The following MAP2K6 variants were observed in gnomAD, a reference collection of about 807,000 sequenced individuals.
The protein encoded by MAP2K6 is mitogen-activated protein kinase kinase 6.
A neutral mutation model predicts 53.7 loss-of-function variants in MAP2K6; 16 were observed. The ratio of observed to expected loss-of-function variants is 0.30; its 90% CI spans 0.20 to 0.45. The LOEUF (loss-of-function observed/expected upper bound fraction) is 0.45, where lower values mean the gene tolerates loss of function less well. Ranked by LOEUF, MAP2K6 falls within the 20% of genes least tolerant of loss-of-function variation. The pLI is 1.00. For synonymous variants in MAP2K6, 132 were observed against 143.1 expected (o/e 0.92, Z 0.55); for missense variants, 204 against 411.9 (o/e 0.50, Z 4.37).
chr17:69,462,200 G>A (rs867497709), intron 1 of MAP2K6, among the ~76,000 whole-genome samples: 1 of 152,118 alleles, frequency 6.6e-6, no homozygotes, highest in Non-Finnish European at 1.5e-5. Flanking sequence ...TGGCCATAGA[G>A]GACACGAGAA....
intron 1 of MAP2K6, among the ~76,000 whole-genome samples, chr17:69,483,956 A>G (rs1332848658): frequency 6.6e-6 from 1 of 152,102 alleles, no homozygotes; most frequent in Non-Finnish European, 1.5e-5. Context: ...TTAACCAAAT[A>G]CTTAAATATA....
chr17:69,482,370 A>T (rs970137949), intron 1 of MAP2K6, among the ~76,000 whole-genome samples: 33 of 152,258 alleles, frequency 2.2e-4, no homozygotes, highest in African/African-American at 7.0e-4. Flanking sequence ...GCAAAAGTTT[A>T]TAAAGGTTTA....
intron 1 of MAP2K6, among the ~76,000 whole-genome samples, chr17:69,487,854 A>G (rs919109162): frequency 6.6e-6 from 1 of 152,364 alleles, no homozygotes; most frequent in Admixed American, 6.5e-5. Flanking sequence ...ATATTTACTT[A>G]AAATCAATCC....
At chr17:69,512,692 A>T (rs1361779205) in intron 2 of MAP2K6, among the ~76,000 whole-genome samples, 1 of 152,182 alleles carries the variant, frequency 6.6e-6, no homozygotes, top group African/African-American at 2.4e-5. Flanking sequence ...AAGAGGTATT[A>T]ATGAGGTATT....
At chr17:69,489,771 GA>G (rs1908673515) in intron 1 of MAP2K6, among the ~76,000 whole-genome samples, 1 of 152,164 alleles carries the variant, frequency 6.6e-6, no homozygotes, top group East Asian at 1.9e-4. Context: ...TGATTTTCTT[GA>G]AGCAATTTCT....
At chr17:69,416,221 C>A (rs1963458) in intron 1 of MAP2K6, among the ~76,000 whole-genome samples, 3 of 151,854 alleles carry the variant, frequency 2.0e-5, no homozygotes, top group Admixed American at 6.6e-5. Flanking sequence ...GTTGTTGCAC[C>A]GCTTTTTAAT....
At chr17:69,486,437 A>G (rs1908540039) in intron 1 of MAP2K6, among the ~76,000 whole-genome samples, 1 of 152,232 alleles carries the variant, frequency 6.6e-6, no homozygotes, top group Non-Finnish European at 1.5e-5. Context: ...GGTTTCTGGC[A>G]TGAAGCCAGA....
At chr17:69,472,767 C>T (rs1379544220) in intron 1 of MAP2K6, among the ~76,000 whole-genome samples, 8 of 152,246 alleles carry the variant, frequency 5.3e-5, no homozygotes, top group Middle Eastern at 3.4e-3. Context: ...GGTATGGCCT[C>T]GGCTCCCTGC....
intron 1 of MAP2K6, among the ~76,000 whole-genome samples, chr17:69,484,712 G>A (rs74501647): frequency 0.02 from 3,087 of 152,112 alleles, 168 homozygotes; most frequent in East Asian, 0.12. Context: ...GGTGGCACAG[G>A]TATTCTATAC....
chr17:69,496,906 T>G (rs879806482), intron 1 of MAP2K6, among the ~76,000 whole-genome samples: 16 of 152,130 alleles, frequency 1.1e-4, no homozygotes, highest in Non-Finnish European at 2.4e-4. Flanking sequence ...CTCTTTCACT[T>G]AACTTCATTT....
chr17:69,475,278 C>T (rs1908111440), intron 1 of MAP2K6, among the ~76,000 whole-genome samples: 1 of 150,686 alleles, frequency 6.6e-6, no homozygotes, highest in African/African-American at 2.5e-5. Flanking sequence ...ACGCCATTCT[C>T]CTGCCTCAGC....
chr17:69,459,978 TTCCC>T (rs1053272719), intron 1 of MAP2K6, among the ~76,000 whole-genome samples: 8 of 150,346 alleles, frequency 5.3e-5, no homozygotes, highest in South Asian at 2.2e-4. Flanking sequence ...GCCTTCCACC[TTCCC>T]TCCCTCCCTC....
At chr17:69,446,392 A>T (rs1382708770) in intron 1 of MAP2K6, among the ~76,000 whole-genome samples, 1 of 152,238 alleles carries the variant, frequency 6.6e-6, no homozygotes, top group Non-Finnish European at 1.5e-5. Flanking sequence ...AAGAGATTGA[A>T]TTGCTGGATT....
At chr17:69,417,822 C>A (rs1905953847) in intron 1 of MAP2K6, among the ~76,000 whole-genome samples, 1 of 152,176 alleles carries the variant, frequency 6.6e-6, no homozygotes, top group Admixed American at 6.5e-5. Context: ...GGAGATCTGG[C>A]ATCCCCCAGT....
intron 1 of MAP2K6, among the ~76,000 whole-genome samples, chr17:69,474,597 A>T (rs909386253): frequency 2.6e-5 from 4 of 152,192 alleles, no homozygotes; most frequent in African/African-American, 4.8e-5. Flanking sequence ...AAGCCTTTTC[A>T]GATAGATTAA....
At chr17:69,429,572 A>G (rs1302192306) in intron 1 of MAP2K6, among the ~76,000 whole-genome samples, 1 of 152,214 alleles carries the variant, frequency 6.6e-6, no homozygotes, top group Non-Finnish European at 1.5e-5. Flanking sequence ...ATTATTAACA[A>G]AGGTCTTTTC....
At chr17:69,527,425 G>C (rs930209677) in intron 10 of MAP2K6, among the ~76,000 whole-genome samples, 6 of 152,202 alleles carry the variant, frequency 3.9e-5, no homozygotes, top group African/African-American at 1.4e-4. Context: ...CCATACTCAT[G>C]AGGTGAACTA....
intron 1 of MAP2K6, among the ~76,000 whole-genome samples, chr17:69,504,813 T>G (rs576624386): frequency 6.6e-6 from 1 of 152,306 alleles, no homozygotes; most frequent in African/African-American, 2.4e-5. Flanking sequence ...CCTTTCCATT[T>G]GGCCCAAGAA....
At chr17:69,521,806 C>CAAAAAAAAAAAAAAAA (rs71293537) in intron 7 of MAP2K6, 1 of 79,340 alleles carries the variant, frequency 1.3e-5, no homozygotes, top group Non-Finnish European at 2.6e-5. Context: ...GATAAATGTA[C>CAAAAAAAAAAAAAAAA]AAAAAAAAAA....
Sources: allele counts gnomAD v4.1 joint callset (sites outside exome capture counted in the v4.1 genomes callset), GRCh38; gene constraint gnomAD v4.1.1; transcripts MANE v1.5; gene names NCBI Gene and HGNC (gene_info 2026-07-23, HGNC 2026-07-21).